The following TENM2 variants were observed in gnomAD, a reference collection of about 807,000 sequenced individuals.
The protein encoded by TENM2 is teneurin transmembrane protein 2.
A neutral mutation model predicts 245.2 loss-of-function variants in TENM2; 52 were observed. The observed-to-expected ratio is 0.21, with a 90% CI of 0.17 to 0.27. TENM2 has a LOEUF of 0.27. Ranked by LOEUF, TENM2 falls within the 10% of genes least tolerant of loss-of-function variation. The pLI is 1.00. For missense variants in TENM2, 3,046 were observed against 3,666.8 expected, an observed-to-expected ratio of 0.83 and a Z score of 4.37; for synonymous variants, 1,363 against 1,438.9, an observed-to-expected ratio of 0.95 and a Z score of 1.19.
intron 2 of TENM2, among the ~76,000 whole-genome samples, chr5:167,489,966 T>C (rs1768325141): frequency 6.6e-6 from 1 of 152,182 alleles, no homozygotes; most frequent in Non-Finnish European, 1.5e-5. Context: ...ACTTCAATTA[T>C]TAACTAATAT....
intron 2 of TENM2, among the ~76,000 whole-genome samples, chr5:167,768,452 A>G (rs946714031): frequency 6.6e-6 from 1 of 152,242 alleles, no homozygotes; most frequent in East Asian, 1.9e-4. Context: ...AACACTCCAT[A>G]TAAGACTTAA....
intron 2 of TENM2, among the ~76,000 whole-genome samples, chr5:167,840,504 G>A (rs937687023): frequency 3.3e-5 from 5 of 152,154 alleles, no homozygotes; most frequent in African/African-American, 9.7e-5. Context: ...AATTCGCTAA[G>A]TTCATCCTGG....
the TENM2 span, among the ~76,000 whole-genome samples, chr5:167,104,224 A>G: frequency 2.0e-5 from 3 of 151,958 alleles, no homozygotes; most frequent in Admixed American, 1.3e-4. Flanking sequence ...AGTGCTTGCT[A>G]CTTGGCGGGT....
intron 27 of TENM2, among the ~76,000 whole-genome samples, chr5:168,250,817 C>T (rs1202825990): frequency 5.3e-5 from 8 of 152,124 alleles, no homozygotes; most frequent in African/African-American, 1.2e-4. Context: ...CTTTTATCCC[C>T]GAAATCACTG....
At chr5:167,314,682 G>A (rs1756249422) in intron 1 of TENM2, among the ~76,000 whole-genome samples, 1 of 151,924 alleles carries the variant, frequency 6.6e-6, no homozygotes, top group African/African-American at 2.4e-5. Context: ...TGAACAATTT[G>A]TTTGCCATTA....
chr5:168,005,098 CT>C (rs1239315504), intron 5 of TENM2, among the ~76,000 whole-genome samples: 1 of 152,164 alleles, frequency 6.6e-6, no homozygotes. Flanking sequence ...GTGTTGTATT[CT>C]TTTCTTCAAA....
At chr5:167,124,029 T>C in the TENM2 span, among the ~76,000 whole-genome samples, 4 of 152,230 alleles carry the variant, frequency 2.6e-5, no homozygotes, top group Non-Finnish European at 5.9e-5. Context: ...CATCTTCCTG[T>C]ATGACACTGA....
At chr5:167,780,451 T>A (rs570318696) in intron 2 of TENM2, among the ~76,000 whole-genome samples, 97 of 152,332 alleles carry the variant, frequency 6.4e-4, no homozygotes, top group Middle Eastern at 6.8e-3. Context: ...TTTCACGGCC[T>A]ATTTAGTGCC....
chr5:167,416,116 G>C (rs1027719285), intron 2 of TENM2, among the ~76,000 whole-genome samples: 1 of 152,146 alleles, frequency 6.6e-6, no homozygotes, highest in Admixed American at 6.6e-5. Context: ...AAGAGTGAAG[G>C]GGGTGCTTAG....
At chr5:167,149,257 T>C in the TENM2 span, among the ~76,000 whole-genome samples, 6 of 151,996 alleles carry the variant, frequency 3.9e-5, no homozygotes, top group African/African-American at 1.4e-4. Context: ...CCCAGAGGCC[T>C]GTCCTGTTCA....
intron 27 of TENM2, among the ~76,000 whole-genome samples, chr5:168,258,432 C>T (rs900865416): frequency 2.0e-4 from 30 of 151,996 alleles, no homozygotes; most frequent in Non-Finnish European, 3.7e-4. Context: ...ACCCAGGAGG[C>T]GGAGGTTGCA....
the TENM2 span, among the ~76,000 whole-genome samples, chr5:167,208,501 A>G: frequency 6.6e-6 from 1 of 152,206 alleles, no homozygotes; most frequent in East Asian, 1.9e-4. Flanking sequence ...CAAAACGAAC[A>G]CTAGAACCAC....
chr5:167,032,267 C>A, the TENM2 span, among the ~76,000 whole-genome samples: 2 of 152,152 alleles, frequency 1.3e-5, no homozygotes, highest in Non-Finnish European at 2.9e-5. Flanking sequence ...CAACAGAGAG[C>A]AGTGGTACAA....
At chr5:167,340,265 A>G (rs1316163510) in intron 1 of TENM2, among the ~76,000 whole-genome samples, 1 of 152,200 alleles carries the variant, frequency 6.6e-6, no homozygotes, top group Non-Finnish European at 1.5e-5. Context: ...ACCAGTTCCA[A>G]AGTCACTTCT....
intron 2 of TENM2, among the ~76,000 whole-genome samples, chr5:167,428,522 CTCAT>C (rs1244245589): frequency 6.6e-6 from 1 of 152,046 alleles, no homozygotes; most frequent in East Asian, 1.9e-4. Flanking sequence ...TTTATATATG[CTCAT>C]TCAAATTTGA....
At chr5:167,448,654 C>A (rs1765375656) in intron 2 of TENM2, among the ~76,000 whole-genome samples, 1 of 151,340 alleles carries the variant, frequency 6.6e-6, no homozygotes. Flanking sequence ...GGAAGCAATA[C>A]ATACTATGTT....
the TENM2 span, among the ~76,000 whole-genome samples, chr5:167,007,351 A>G: frequency 6.6e-6 from 1 of 152,170 alleles, no homozygotes; most frequent in African/African-American, 2.4e-5. This position sits in a 1 kb window ranked among gnomAD's most constrained non-coding sequence, Gnocchi z 4.2. Flanking sequence ...AGTCTTTCCA[A>G]TCTAAGGAAA....
In TENM2 at chr5:167,515,620, CATATATATACATATATATGT is replaced by C. The variant is rs1479570639; in HGVS notation, c.502+140159_502+140178del. On this transcript the variant is annotated intron_variant, in intron 2 of 28. Coordinates refer to ENST00000518659, the Ensembl canonical transcript of TENM2. Reference sequence around the variant, plus strand: ...TGAATCATAGGGCAATATATATATACATATATATACATATATATGTATATATATACACATATATACGTATA... The same window carrying C: ...TGAATCATAGGGCAATATATATATACATATATATACACATATATACGTATA... Among the ~76,000 whole-genome samples, 79 of 109,380 alleles carry C rather than the reference CATATATATACATATATATGT, an allele frequency of 7.2e-4. 2 individuals are homozygous for C. The highest frequency in any genetic ancestry group is 4.1e-3 in the Admixed American group (47 of 11,404). The allele number at this position is 109,380 out of a possible 152,430, so 71.8% of individuals were successfully genotyped here.
At chr5:167,017,949 A>G in the TENM2 span, among the ~76,000 whole-genome samples, 1 of 152,214 alleles carries the variant, frequency 6.6e-6, no homozygotes, top group African/African-American at 2.4e-5. Context: ...AAATAGGAAA[A>G]TGGGGAAAAG....
Sources: gnomAD v4.1 joint callset for allele counts (sites outside exome capture counted in the v4.1 genomes callset) on GRCh38, gnomAD v4.1.1 for gene constraint, Gnocchi (gnomAD v3.1) non-coding constraint, MANE v1.5 for transcripts, NCBI Gene and HGNC (gene_info 2026-07-23, HGNC 2026-07-21) for gene names.